HKDC1: variants seen among roughly 807,000 people sequenced by gnomAD.
HKDC1 encodes the protein hexokinase domain containing 1.
HKDC1 carries 66 observed loss-of-function variants against 96.6 expected under a neutral mutation model. The ratio of observed to expected loss-of-function variants is 0.68; its 90% CI spans 0.56 to 0.84. HKDC1 has a LOEUF of 0.84. Among genes scored for constraint, HKDC1 ranks in the 40% least tolerant of loss-of-function variants. The pLI is 0.00. For missense variants in HKDC1, 1,211 were observed against 1,208.1 expected, an observed-to-expected ratio of 1.00 and a Z score of -0.04; for synonymous variants, 466 against 473.1, an observed-to-expected ratio of 0.98 and a Z score of 0.20.
intron 1 of HKDC1, among the ~76,000 whole-genome samples, chr10:69,221,859 G>A (rs1843070957): frequency 6.6e-6 from 1 of 151,828 alleles, no homozygotes; most frequent in South Asian, 2.1e-4. Flanking sequence ...CTTGAGCCCG[G>A]GAGACTGCGC....
intron 12 of HKDC1, among the ~76,000 whole-genome samples, chr10:69,254,059 C>G (rs901294154): frequency 2.0e-5 from 3 of 152,212 alleles, no homozygotes; most frequent in African/African-American, 4.8e-5. Context: ...CATCCCAGAA[C>G]TTTGGGAGGC....
Position 69,266,899 on chromosome 10 carries a change from A to T in HKDC1, c.*142A>T. 1.4e-6 allele frequency: 1 copy of T among 740,086 alleles called. No individual in the cohort carries two copies. Among genetic ancestry groups the T allele is most frequent in the Non-Finnish European group, 2.2e-6 (1 of 454,750 alleles). 45.8% of individuals were successfully genotyped at this position (740,086 alleles called of 1,614,324 possible). A position where few individuals can be genotyped will look rare whatever the true frequency, so the allele number is the denominator to read the frequency against. On this transcript the variant is annotated 3_prime_UTR_variant, in exon 18 of 18. Transcript: ENST00000354624. ...GAAAGAGAACCCCAGGTTCTCGGGT[A>T]CTCTTAGTATCTTGTACTGGATTTG...
Position 69,266,906 on chromosome 10 carries a change from G to A in HKDC1, c.*149G>A. ...AACCCCAGGTTCTCGGGTACTCTTA[G>A]TATCTTGTACTGGATTTGCAGTGAC... is the stretch of plus-strand genomic sequence containing the variant. On this transcript the variant is annotated 3_prime_UTR_variant, in exon 18 of 18. Coordinates refer to ENST00000354624, the MANE Select transcript of HKDC1 (RefSeq NM_025130.4). The A allele has an allele frequency of 5.7e-6, 4 of 703,186 alleles. No homozygotes were observed. Among genetic ancestry groups the A allele is most frequent in the Non-Finnish European group, 9.4e-6 (4 of 427,606 alleles). 43.6% of individuals were successfully genotyped at this position (703,186 alleles called of 1,614,324 possible). A position where few individuals can be genotyped will look rare whatever the true frequency, so the allele number is the denominator to read the frequency against.
intron 7 of HKDC1, among the ~76,000 whole-genome samples, chr10:69,245,051 G>A (rs767231972): frequency 4.6e-5 from 7 of 151,930 alleles, no homozygotes; most frequent in African/African-American, 9.7e-5. Flanking sequence ...ACAGGCATGC[G>A]CCACCATGCC....
At position 69,257,047 on chromosome 10, in the gene HKDC1, A is replaced by T; in HGVS notation, c.1848A>T (p.Ile616=). ...RQMSIDKGTL[I]GWTKGFKATD... is the part of the protein sequence containing the mutation. ...CTCCTTTCTTTCAGGGAACACTCATAGGGTGGACCAAAGGTTTCAAGGCCA... is the reference window on the plus strand; with the variant it reads ...CTCCTTTCTTTCAGGGAACACTCATTGGGTGGACCAAAGGTTTCAAGGCCA... The change falls in exon 13 of 18, where the codon ATA becomes ATT. Residue 616 remains isoleucine (I), a synonymous_variant. Transcript: ENST00000354624. The T allele has an allele frequency of 6.2e-7, 1 of 1,613,820 alleles. No individual in the cohort carries two copies. Among genetic ancestry groups the T allele is most frequent in the Non-Finnish European group, 8.5e-7 (1 of 1,179,734 alleles).
chr10:69,249,086 T>G (rs1843594163), intron 10 of HKDC1: 1 of 193,324 alleles, frequency 5.2e-6, no homozygotes, highest in African/African-American at 2.3e-5. Context: ...TCCTGCTGCT[T>G]CTCTGGCTCT....
Position 69,248,580 on chromosome 10 carries a change from G to A in HKDC1, c.1422G>A (p.Leu474=). Residue 474 remains leucine (L), a synonymous_variant, in exon 10 of 18, where the codon CTG becomes CTA. Transcript: ENST00000354624. ...QAQRKQIDRV[L]ALFQLTREQL... ...AGCGGAAGCAGATCGACAGGGTGCT[G>A]GCTTTGTTCCAGCTGACCCGAGAGC... 6.2e-7 allele frequency: 1 copy of A among 1,614,154 alleles called. No individual in the cohort carries two copies. The highest frequency in any genetic ancestry group is 8.5e-7 in the Non-Finnish European group (1 of 1,180,048).
At chr10:69,260,983 A>G (rs963905502) in intron 15 of HKDC1, among the ~76,000 whole-genome samples, 156 bp from the exon 16 acceptor site, 1 of 152,162 alleles carries the variant, frequency 6.6e-6, no homozygotes, top group African/African-American at 2.4e-5. Flanking sequence ...TTTGTAGATG[A>G]TAGCTTGCAG....
chr10:69,248,351 C>T (rs760212348), intron 9 of HKDC1, 73 bp from the exon 10 acceptor site: 134 of 1,465,170 alleles, frequency 9.1e-5, no homozygotes, highest in Non-Finnish European at 1.1e-4. Flanking sequence ...ACTGGGTTTA[C>T]TGCTGCCCCT....
rs143670175 is a variant in HKDC1, at chr10:69,243,310, C to A, written c.820C>A (p.Arg274Ser). The stretch of plus-strand genomic sequence containing the variant: ...GGACGACGGGGCCCTGGAGGACATT[C>A]GCACTGAGTTCGACAGGGAGCTGGA... ...FGDDGALEDI[R>S]TEFDRELDLG... Residue 274 changes from arginine to serine, a missense_variant, in exon 7 of 18, where the codon CGC becomes AGC. By Grantham distance (110) the Arg-to-Ser change is moderately radical (BLOSUM62 -1). Transcript: ENST00000354624. 8.1e-6 allele frequency: 13 copies of A among 1,612,716 alleles called. No individual in the cohort carries two copies. The African/African-American group carries it at 1.6e-4, about 20-fold the overall frequency.
intron 2 of HKDC1, among the ~76,000 whole-genome samples, chr10:69,227,679 G>A (rs192659191): frequency 3.9e-4 from 59 of 152,314 alleles, no homozygotes; most frequent in Middle Eastern, 6.8e-3. Flanking sequence ...AGTGGTCCCT[G>A]CCTCCATCTA....
chr10:69,261,010 G>A lies in HKDC1; in HGVS notation c.2217-129G>A. On this transcript the variant is annotated intron_variant, in intron 15 of 17. Transcript: ENST00000354624. ...AGCTTGCAGTGCTTGCTCACATCAA[G>A]CAGCTAGTATGTGGCAGAGCTAGGA... 10 of 738,996 alleles carry A rather than the reference G, an allele frequency of 1.4e-5. No homozygotes were observed. The Admixed American group carries it at 1.9e-4, about 14-fold the overall frequency. The allele number at this position is 738,996 out of a possible 1,614,324, so 45.8% of individuals were successfully genotyped here.
intron 14 of HKDC1, 137 bp from the exon 15 acceptor site, chr10:69,258,639 C>T: frequency 1.2e-6 from 1 of 846,240 alleles, no homozygotes; most frequent in Non-Finnish European, 1.9e-6. Flanking sequence ...CAAGGTTAGC[C>T]AGCTATGACT....
intron 10 of HKDC1, 158 bp downstream of exon 10, chr10:69,248,886 C>T (rs1843589804): frequency 1.5e-6 from 1 of 685,824 alleles, no homozygotes. Flanking sequence ...AATCTGTTGG[C>T]CTTTGTTAAC....
intron 4 of HKDC1, among the ~76,000 whole-genome samples, chr10:69,233,712 C>T (rs1843312888): frequency 6.6e-6 from 1 of 151,772 alleles, no homozygotes; most frequent in African/African-American, 2.4e-5. Flanking sequence ...TCCTGGCTAA[C>T]ATGGTGAAAC....
intron 4 of HKDC1, among the ~76,000 whole-genome samples, chr10:69,233,822 C>T (rs904765421): frequency 4.3e-5 from 6 of 139,000 alleles, no homozygotes; most frequent in South Asian, 2.4e-4. Flanking sequence ...GGCGTGAACC[C>T]GGGAGGCGGA....
intron 6 of HKDC1, among the ~76,000 whole-genome samples, chr10:69,241,007 G>A (rs1008186977): frequency 1.3e-5 from 2 of 152,182 alleles, no homozygotes; most frequent in Admixed American, 6.5e-5. Flanking sequence ...GTGGGGAGGT[G>A]GGTGAGAGGC....
At chr10:69,262,894 C>T (rs1489719052) in intron 16 of HKDC1, among the ~76,000 whole-genome samples, 1 of 151,812 alleles carries the variant, frequency 6.6e-6, no homozygotes, top group Non-Finnish European at 1.5e-5. Context: ...AAGCAATAGA[C>T]CGACAAGTTT....
Position 69,227,162 on chromosome 10 carries a change from T to C in HKDC1, c.64-45T>C, listed in dbSNP as rs1285115200. On this transcript the variant is annotated intron_variant, in intron 1 of 17. Coordinates refer to ENST00000354624, the MANE Select transcript of HKDC1 (RefSeq NM_025130.4). ...GGGGGTTACAGCCTCGACTGGAGGG[T>C]GAGGGCCCCCAGCAGCACCCCTTGG... 2.5e-6 allele frequency: 4 copies of C among 1,606,760 alleles called. No individual in the cohort carries two copies. In the South Asian group the frequency reaches 3.3e-5, roughly 13 times the overall value.
Sources: gnomAD v4.1 joint callset for allele counts (sites outside exome capture counted in the v4.1 genomes callset) on GRCh38, gnomAD v4.1.1 for gene constraint, MANE v1.5 for transcripts, NCBI Gene and HGNC (gene_info 2026-07-23, HGNC 2026-07-21) for gene names.